Variants in OR11A1 observed in about 807,000 individuals in gnomAD.
The protein encoded by OR11A1 is olfactory receptor 11A1.
For missense variants in OR11A1, 380 were observed against 378.2 expected (o/e 1.00, Z -0.04); for synonymous variants, 158 against 152.2 (o/e 1.04, Z -0.28).
At chr6:29,447,599 A>G (rs116675441) in intron 1 of OR11A1, among the ~76,000 whole-genome samples, 4,048 of 152,348 alleles carry the variant, frequency 0.027, 116 homozygotes, top group African/African-American at 0.076. Flanking sequence ...AGATAAGTAC[A>G]GGGGTGCGTC....
intron 1 of OR11A1, among the ~76,000 whole-genome samples, chr6:29,448,665 A>T (rs930981574): frequency 2.6e-5 from 4 of 151,628 alleles, no homozygotes. Flanking sequence ...ATGCCACTCA[A>T]CTCCTCTAAT....
At chr6:29,440,818 C>T (rs372631826) in intron 1 of OR11A1, 1 of 1,614,036 alleles carries the variant, frequency 6.2e-7, no homozygotes, top group Non-Finnish European at 8.5e-7. Flanking sequence ...TACGATCCGG[C>T]CACTGACCCT....
rs1300688226 is a variant in OR11A1, at chr6:29,439,029, A to G, written c.-388-7042T>C. Reference sequence around the variant, plus strand: ...AATACACAACCTTGAATATGGCTGGAATATTGAATTTGTGTATATATTCAA... The same window carrying G: ...AATACACAACCTTGAATATGGCTGGGATATTGAATTTGTGTATATATTCAA... On this transcript the variant is annotated intron_variant, in intron 1 of 4. Coordinates refer to ENST00000377149, the MANE Select transcript of OR11A1 (RefSeq NM_001394828.1). Among the ~76,000 whole-genome samples, 5 of 152,316 alleles carry G rather than the reference A, an allele frequency of 3.3e-5. No individual in the cohort carries two copies. In the East Asian group the frequency reaches 9.6e-4, roughly 29 times the overall value.
intron 1 of OR11A1, among the ~76,000 whole-genome samples, chr6:29,438,978 A>G (rs921582042): frequency 2.0e-5 from 3 of 152,228 alleles, no homozygotes; most frequent in Non-Finnish European, 4.4e-5. Flanking sequence ...CTGCAAAAGG[A>G]TATCAGTGTG....
intron 1 of OR11A1, among the ~76,000 whole-genome samples, chr6:29,452,687 C>T (rs550629171): frequency 6.6e-6 from 1 of 151,898 alleles, no homozygotes; most frequent in African/African-American, 2.4e-5. Context: ...TAAATGAAGG[C>T]AAAATAAAGC....
chr6:29,450,895 C>T (rs1174313520), intron 1 of OR11A1, among the ~76,000 whole-genome samples: 1 of 152,086 alleles, frequency 6.6e-6, no homozygotes, highest in Non-Finnish European at 1.5e-5. Context: ...AAAAAGAGCA[C>T]AAATAGCCAA....
chr6:29,433,246 A>G (rs1480104407), intron 1 of OR11A1, among the ~76,000 whole-genome samples: 2 of 152,204 alleles, frequency 1.3e-5, no homozygotes, highest in African/African-American at 4.8e-5. Context: ...TTCATTAATT[A>G]TAGTCACCCT....
At chr6:29,433,154 T>C (rs1391039716) in intron 1 of OR11A1, among the ~76,000 whole-genome samples, 1 of 152,186 alleles carries the variant, frequency 6.6e-6, no homozygotes, top group Admixed American at 6.5e-5. Context: ...CTAATTTACA[T>C]GAACCATTAC....
intron 1 of OR11A1, among the ~76,000 whole-genome samples, chr6:29,445,166 C>T (rs1784611653): frequency 6.6e-6 from 1 of 152,148 alleles, no homozygotes; most frequent in African/African-American, 2.4e-5. Flanking sequence ...ACCACCATGC[C>T]CAGCTAATTT....
chr6:29,446,694 A>C (rs953960716), intron 1 of OR11A1, among the ~76,000 whole-genome samples: 6 of 152,226 alleles, frequency 3.9e-5, no homozygotes, highest in African/African-American at 1.4e-4. Context: ...CAGAAGTTAA[A>C]AGTCATCTCT....
At chr6:29,431,109 A>G (rs1783196405) in intron 2 of OR11A1, among the ~76,000 whole-genome samples, 1 of 152,188 alleles carries the variant, frequency 6.6e-6, no homozygotes, top group Admixed American at 6.5e-5. Flanking sequence ...AGTAAAAACC[A>G]TAACCCTCAT....
intron 1 of OR11A1, among the ~76,000 whole-genome samples, chr6:29,436,320 A>T (rs1365917814): frequency 6.6e-6 from 1 of 152,082 alleles, no homozygotes; most frequent in Non-Finnish European, 1.5e-5. Flanking sequence ...GTGATTTCAT[A>T]ATTCAAAATA....
intron 4 of OR11A1, among the ~76,000 whole-genome samples, chr6:29,428,028 T>C (rs1366493308): frequency 6.6e-6 from 1 of 152,176 alleles, no homozygotes. Flanking sequence ...ACCAGTATAA[T>C]ATTCTCCAAA....
At chr6:29,454,931 A>G (rs1481171706) in intron 1 of OR11A1, among the ~76,000 whole-genome samples, 4 of 151,792 alleles carry the variant, frequency 2.6e-5, no homozygotes, top group Admixed American at 2.6e-4. Flanking sequence ...GCTAAGATCA[A>G]GTGTAAAAAA....
At chr6:29,437,604 A>C (rs1167314761) in intron 1 of OR11A1, among the ~76,000 whole-genome samples, 1 of 145,892 alleles carries the variant, frequency 6.9e-6, no homozygotes, top group Non-Finnish European at 1.5e-5. Context: ...GTCATCTCCC[A>C]TCTTTGCTTT....
rs146744437 is a variant in OR11A1, at chr6:29,428,365, C to T, written c.-92+548G>A. The stretch of plus-strand genomic sequence containing the variant: ...CCATGGGAGCAGAGAAGGACCAAAC[C>T]CAGCCTGGGGTTGTGGGGCAGAAGG... On this transcript the variant is annotated intron_variant, in intron 4 of 4. Coordinates refer to ENST00000377149, the MANE Select transcript of OR11A1 (RefSeq NM_001394828.1). 17 of 985,484 alleles carry T rather than the reference C, an allele frequency of 1.7e-5. No homozygotes were observed. In the East Asian group the frequency reaches 1.9e-3, roughly 112 times the overall value. The allele number at this position is 985,484 out of a possible 1,614,324, so 61.0% of individuals were successfully genotyped here.
Position 29,426,728 on chromosome 6 carries a change from A to C in OR11A1, c.914T>G (p.Ile305Ser), listed in dbSNP as rs1782834789. Residue 305 changes from isoleucine (I) to serine (S), a missense_variant, in exon 5 of 5, where the codon ATT (isoleucine) becomes AGT (serine). Coordinates refer to ENST00000377149, the MANE Select transcript of OR11A1 (RefSeq NM_001394828.1). ...NKEVHQALRK[I>S]LCIKQTETLD ...TGTTTCAGTTTGTTTGATACAGAGA[A>C]TCTTCCGAAGTGCCTGATGCACCTC... The C allele has an allele frequency of 6.2e-7, 1 of 1,612,058 alleles. No homozygotes were observed. Among genetic ancestry groups the C allele is most frequent in the African/African-American group, 1.3e-5 (1 of 74,902 alleles).
intron 1 of OR11A1, among the ~76,000 whole-genome samples, chr6:29,435,433 C>T (rs1159413139): frequency 2.0e-5 from 3 of 152,106 alleles, no homozygotes; most frequent in Admixed American, 6.5e-5. Context: ...ATCAGTAATT[C>T]CAGTTGGAAA....
intron 1 of OR11A1, among the ~76,000 whole-genome samples, chr6:29,452,754 G>C (rs1249301795): frequency 6.6e-6 from 1 of 151,880 alleles, no homozygotes; most frequent in Non-Finnish European, 1.5e-5. Context: ...CTCACTAAAA[G>C]AATAAAAAAG....
Sources: allele counts gnomAD v4.1 joint callset (sites outside exome capture counted in the v4.1 genomes callset), GRCh38; gene constraint gnomAD v4.1.1; transcripts MANE v1.5; gene names NCBI Gene and HGNC (gene_info 2026-07-23, HGNC 2026-07-21).